Variants in PSD3 observed in about 807,000 individuals in gnomAD.
PSD3 encodes pleckstrin and Sec7 domain containing 3, also known as PH and SEC7 domain-containing protein 3.
A neutral mutation model predicts 105.5 loss-of-function variants in PSD3; 49 were observed. The ratio of observed to expected loss-of-function variants is 0.46; its 90% CI spans 0.37 to 0.59. PSD3 has a LOEUF of 0.59. Ranked by LOEUF, PSD3 falls within the 20% of genes least tolerant of loss-of-function variation. The probability of loss-of-function intolerance (pLI) is 0.00; values close to 1 mark genes in which losing one functional copy is unlikely to be tolerated. For synonymous variants in PSD3, 557 were observed against 457.8 expected (o/e 1.22, Z -2.77); for missense variants, 1,561 against 1,263.8 (o/e 1.24, Z -3.57).
intron 11 of PSD3, among the ~76,000 whole-genome samples, chr8:18,629,089 G>A (rs561463413): frequency 6.6e-6 from 1 of 151,948 alleles, no homozygotes; most frequent in Admixed American, 6.6e-5. Context: ...ACAATAAAAA[G>A]TTAGAAACAA....
chr8:18,763,481 A>G (rs1040749079), intron 9 of PSD3, among the ~76,000 whole-genome samples: 1 of 152,184 alleles, frequency 6.6e-6, no homozygotes, highest in South Asian at 2.1e-4. Flanking sequence ...TTCCCCCAGA[A>G]TTCAAGTATA....
chr8:18,942,687 T>C (rs56285384), intron 1 of PSD3, among the ~76,000 whole-genome samples: 41,384 of 152,140 alleles, frequency 0.27, 7,256 homozygotes, highest in Non-Finnish European at 0.39. Context: ...AGGGAGAAGG[T>C]GGCCATCTGC....
chr8:18,845,281 G>T (rs1814991157), intron 4 of PSD3, among the ~76,000 whole-genome samples: 2 of 152,172 alleles, frequency 1.3e-5, no homozygotes, highest in Admixed American at 1.3e-4. Flanking sequence ...ATGGCGAGAG[G>T]AACGGCTGTC....
chr8:18,680,619 G>A (rs759495660), intron 9 of PSD3, among the ~76,000 whole-genome samples: 1 of 152,142 alleles, frequency 6.6e-6, no homozygotes, highest in African/African-American at 2.4e-5. Context: ...TGCTTCAGAG[G>A]TTGATACAAA....
chr8:18,630,424 T>C (rs1216010878), intron 11 of PSD3, among the ~76,000 whole-genome samples: 1 of 151,748 alleles, frequency 6.6e-6, no homozygotes, highest in Non-Finnish European at 1.5e-5. Flanking sequence ...TAGAGGAGGT[T>C]TCCTGGGCCA....
intron 12 of PSD3, among the ~76,000 whole-genome samples, chr8:18,598,689 T>C (rs1200607822): frequency 1.3e-5 from 2 of 151,998 alleles, no homozygotes; most frequent in Non-Finnish European, 2.9e-5. Context: ...TTAGAATAAA[T>C]AAATTCAGCA....
intron 9 of PSD3, among the ~76,000 whole-genome samples, chr8:18,728,264 T>C (rs898891662): frequency 3.3e-5 from 5 of 152,216 alleles, no homozygotes; most frequent in East Asian, 1.9e-4. Flanking sequence ...CAATGAAAAG[T>C]TGAGAACCTC....
intron 1 of PSD3, among the ~76,000 whole-genome samples, chr8:19,041,582 A>T (rs906291332): frequency 2.0e-5 from 3 of 152,228 alleles, no homozygotes; most frequent in Non-Finnish European, 4.4e-5. Flanking sequence ...TCAAAGCTGT[A>T]ACTACTGGAA....
intron 1 of PSD3, among the ~76,000 whole-genome samples, chr8:19,055,590 A>C (rs1453846390): frequency 6.6e-6 from 1 of 152,158 alleles, no homozygotes; most frequent in African/African-American, 2.4e-5. Flanking sequence ...TGCATCATTA[A>C]TCCTTGGGAG....
At chr8:19,021,882 T>G (rs1305871862) in intron 1 of PSD3, among the ~76,000 whole-genome samples, 2 of 152,126 alleles carry the variant, frequency 1.3e-5, no homozygotes, top group Non-Finnish European at 2.9e-5. Flanking sequence ...AAAGGGAGGG[T>G]GGATGATATA....
At chr8:18,714,212 C>T (rs764768535) in intron 9 of PSD3, among the ~76,000 whole-genome samples, 9 of 152,102 alleles carry the variant, frequency 5.9e-5, no homozygotes, top group Middle Eastern at 6.8e-3. Flanking sequence ...TCAGGACATA[C>T]GCATGGGCAA....
intron 15 of PSD3, among the ~76,000 whole-genome samples, chr8:18,552,596 T>A (rs556967084): frequency 6.6e-6 from 1 of 152,308 alleles, no homozygotes; most frequent in Admixed American, 6.5e-5. Context: ...ACTTGATCTG[T>A]TTCCCAATAT....
intron 9 of PSD3, among the ~76,000 whole-genome samples, chr8:18,684,314 C>G (rs572272324): frequency 2.4e-4 from 37 of 151,494 alleles, no homozygotes; most frequent in African/African-American, 9.0e-4. Context: ...ATTAACATTC[C>G]AAAAAGCAAC....
chr8:18,966,481 G>C (rs917954786), intron 1 of PSD3, among the ~76,000 whole-genome samples: 6 of 150,772 alleles, frequency 4.0e-5, no homozygotes, highest in African/African-American at 1.5e-4. Context: ...TGAGGTAGGA[G>C]AATTACTTGA....
At chr8:18,636,893 G>T (rs879775864) in intron 10 of PSD3, among the ~76,000 whole-genome samples, 4 of 152,184 alleles carry the variant, frequency 2.6e-5, no homozygotes, top group Non-Finnish European at 5.9e-5. Flanking sequence ...CAGTTATGAA[G>T]TGATGTATGA....
intron 8 of PSD3, among the ~76,000 whole-genome samples, chr8:18,776,995 T>A (rs1018797216): frequency 6.6e-6 from 1 of 152,112 alleles, no homozygotes; most frequent in Non-Finnish European, 1.5e-5. Context: ...TGTTTCTGAT[T>A]TTATTGATTT....
chr8:18,814,326 A>C (rs1220607964), intron 4 of PSD3, among the ~76,000 whole-genome samples: 3 of 152,176 alleles, frequency 2.0e-5, no homozygotes, highest in Non-Finnish European at 4.4e-5. Flanking sequence ...GAGGGCACCC[A>C]CATGCAAGGC....
At chr8:19,066,879 G>A (rs759829882) in intron 1 of PSD3, among the ~76,000 whole-genome samples, 4 of 152,182 alleles carry the variant, frequency 2.6e-5, no homozygotes, top group African/African-American at 9.7e-5. Flanking sequence ...CAGGCTGGGT[G>A]CCCCAATTAT....
At chr8:18,658,551 C>T (rs1486624132) in intron 9 of PSD3, among the ~76,000 whole-genome samples, 1 of 140,834 alleles carries the variant, frequency 7.1e-6, no homozygotes, top group African/African-American at 2.7e-5. Context: ...GAGACAGGGT[C>T]TTGCTTGGTC....
Sources: gnomAD v4.1 joint callset for allele counts (sites outside exome capture counted in the v4.1 genomes callset) on GRCh38, gnomAD v4.1.1 for gene constraint, MANE v1.5 for transcripts, NCBI Gene and HGNC (gene_info 2026-07-23, HGNC 2026-07-21) for gene names.